The following LINGO2 variants were observed in gnomAD, a reference collection of about 807,000 sequenced individuals.
LINGO2 encodes the protein leucine rich repeat and Ig domain containing 2.
Under a neutral mutation model 30.6 loss-of-function variants are expected in LINGO2, and 14 were observed. The observed-to-expected ratio is 0.46, with a 90% confidence interval of 0.30 to 0.72. The LOEUF is 0.72. Ranked by LOEUF, LINGO2 falls within the 30% of genes least tolerant of loss-of-function variation. The pLI, the probability that LINGO2 is intolerant of heterozygous loss-of-function variation, is 0.07. For synonymous variants in LINGO2, 317 were observed against 288.5 expected (o/e 1.10, Z -1.00); for missense variants, 729 against 751.7 (o/e 0.97, Z 0.35).
chr9:28,862,086 C>G, the LINGO2 span, among the ~76,000 whole-genome samples: 3 of 152,014 alleles, frequency 2.0e-5, no homozygotes, highest in Non-Finnish European at 2.9e-5. Context: ...TTTCATAAAA[C>G]AGAAAAATCA....
chr9:28,429,424 T>G (rs1284827103), intron 2 of LINGO2, among the ~76,000 whole-genome samples: 1 of 152,174 alleles, frequency 6.6e-6, no homozygotes, highest in Non-Finnish European at 1.5e-5. Context: ...TGAATGAAGT[T>G]TAAAAGTTGT....
the LINGO2 span, among the ~76,000 whole-genome samples, chr9:28,683,306 T>C: frequency 6.6e-6 from 1 of 152,146 alleles, no homozygotes; most frequent in Non-Finnish European, 1.5e-5. Flanking sequence ...ACACATTTTT[T>C]AGTTAAGTTT....
the LINGO2 span, among the ~76,000 whole-genome samples, chr9:28,722,994 G>A: frequency 1.3e-5 from 2 of 152,052 alleles, no homozygotes; most frequent in African/African-American, 2.4e-5. Flanking sequence ...AGGGCTGGCT[G>A]GACCCCACCT....
the LINGO2 span, among the ~76,000 whole-genome samples, chr9:29,063,771 G>A: frequency 2.0e-5 from 3 of 151,844 alleles, no homozygotes; most frequent in Non-Finnish European, 4.4e-5. Context: ...AGACCTTCAG[G>A]CTTTTACTTT....
chr9:27,998,589 G>C (rs997312547), intron 5 of LINGO2, among the ~76,000 whole-genome samples: 1 of 152,174 alleles, frequency 6.6e-6, no homozygotes, highest in Non-Finnish European at 1.5e-5. Context: ...GACCAGCCTG[G>C]CCAACATTGT....
chr9:28,139,014 C>G (rs746086532), intron 4 of LINGO2, among the ~76,000 whole-genome samples: 1 of 152,154 alleles, frequency 6.6e-6, no homozygotes, highest in South Asian at 2.1e-4. Context: ...TCAAAAAGGC[C>G]TGGCTTCTAG....
chr9:28,092,294 C>T (rs1482058004), intron 4 of LINGO2, among the ~76,000 whole-genome samples: 1 of 152,060 alleles, frequency 6.6e-6, no homozygotes, highest in Non-Finnish European at 1.5e-5. Context: ...TTGGAACCAA[C>T]CCAAATGTCC....
chr9:28,994,862 A>T, the LINGO2 span, among the ~76,000 whole-genome samples: 10 of 152,354 alleles, frequency 6.6e-5, no homozygotes, highest in East Asian at 1.9e-3. Context: ...TTATACAAAA[A>T]TTAATTCAAG....
chr9:28,441,251 CTTTTTTTTTTTTTTTTTTTTT>C (rs72213590), intron 2 of LINGO2, among the ~76,000 whole-genome samples: 27 of 36,288 alleles, frequency 7.4e-4, no homozygotes, highest in East Asian at 4.3e-3. Flanking sequence ...TCATTGGAGG[CTTTTTTTTTTTTTTTTTTTTT>C]TTTTTTTTTT....
chr9:28,178,091 C>T (rs1828798384), intron 4 of LINGO2, among the ~76,000 whole-genome samples: 1 of 152,130 alleles, frequency 6.6e-6, no homozygotes, highest in Non-Finnish European at 1.5e-5. Context: ...CTACTATCGG[C>T]CTCCCATCAC....
At chr9:28,883,628 G>GTATATATA in the LINGO2 span, among the ~76,000 whole-genome samples, 97 of 64,116 alleles carry the variant, frequency 1.5e-3, no homozygotes, top group South Asian at 7.7e-3. Flanking sequence ...ATGTGTGTGT[G>GTATATATA]TATATATATA....
At chr9:28,355,305 C>CTCTCTCTCTCTCTG (rs1820137269) in intron 3 of LINGO2, among the ~76,000 whole-genome samples, 1 of 25,720 alleles carries the variant, frequency 3.9e-5, no homozygotes, top group Admixed American at 4.7e-4. Flanking sequence ...CTATGTCTCT[C>CTCTCTCTCTCTCTG]TCTCTCTCTC....
upstream of LINGO2, among the ~76,000 whole-genome samples, chr9:28,671,212 C>T (rs1407734605): frequency 6.6e-6 from 1 of 152,006 alleles, no homozygotes; most frequent in East Asian, 1.9e-4. Flanking sequence ...GACGTCTGCT[C>T]GACCTTTCCC....
upstream of LINGO2, among the ~76,000 whole-genome samples, chr9:28,671,513 C>A (rs74628746): frequency 4.7e-3 from 498 of 105,308 alleles, no homozygotes; most frequent in African/African-American, 5.8e-3. Context: ...TTATCTTAAG[C>A]AAAAAAAAAA....
chr9:28,739,620 T>C, the LINGO2 span, among the ~76,000 whole-genome samples: 2 of 151,862 alleles, frequency 1.3e-5, no homozygotes, highest in African/African-American at 4.8e-5. Context: ...TTAAATATTA[T>C]GAAACTCTAA....
chr9:28,148,555 C>T lies in LINGO2; in HGVS notation c.-86-136150G>A. The T allele has an allele frequency of 6.7e-7, 1 of 1,494,184 alleles. No individual in the cohort carries two copies. The highest frequency in any genetic ancestry group is 2.5e-5 in the East Asian group (1 of 40,704). The allele number at this position is 1,494,184 out of a possible 1,614,324, so 92.6% of individuals were successfully genotyped here. On this transcript the variant is annotated intron_variant, in intron 4 of 5. Coordinates refer to ENST00000379992, the Ensembl canonical transcript of LINGO2. This position sits in a 1 kb window ranked among gnomAD's most constrained non-coding sequence, Gnocchi z 5.1. Reference sequence around the variant, plus strand: ...GGGAAGCAGCTTCCACCTCTAGGCCCCTGGAGACTCAGGGAAACTTCACTT... The same window carrying T: ...GGGAAGCAGCTTCCACCTCTAGGCCTCTGGAGACTCAGGGAAACTTCACTT...
At chr9:27,988,113 T>C (rs183877728) in intron 5 of LINGO2, among the ~76,000 whole-genome samples, 101 of 152,164 alleles carry the variant, frequency 6.6e-4, no homozygotes, top group African/African-American at 2.2e-3. Context: ...TTTGTTTTTT[T>C]GTCCTTGTGA....
intron 2 of LINGO2, among the ~76,000 whole-genome samples, chr9:28,421,423 A>G (rs1823191731): frequency 6.6e-6 from 1 of 151,842 alleles, no homozygotes; most frequent in African/African-American, 2.4e-5. Flanking sequence ...TTTGCAGAAA[A>G]AAAAAAAGCC....
chr9:28,751,288 C>CAAA, the LINGO2 span, among the ~76,000 whole-genome samples: 36,289 of 81,410 alleles, frequency 0.45, 10,127 homozygotes, highest in Non-Finnish European at 0.59. Context: ...AAGATCCAGT[C>CAAA]AAAAAAAAAA....
Sources: gnomAD v4.1 joint callset for allele counts (sites outside exome capture counted in the v4.1 genomes callset) on GRCh38, gnomAD v4.1.1 for gene constraint, Gnocchi (gnomAD v3.1) non-coding constraint, MANE v1.5 for transcripts, NCBI Gene and HGNC (gene_info 2026-07-23, HGNC 2026-07-21) for gene names.